Variants in MACROD2 observed in about 807,000 individuals in gnomAD.
MACROD2 encodes the protein ADP-ribose glycohydrolase MACROD2.
MACROD2 carries 36 observed loss-of-function variants against 70.4 expected under a neutral mutation model. The ratio of observed to expected loss-of-function variants is 0.51; its 90% CI spans 0.39 to 0.68. The LOEUF is 0.68. Ranked by LOEUF, MACROD2 falls within the 30% of genes least tolerant of loss-of-function variation. The pLI, the probability that MACROD2 is intolerant of heterozygous loss-of-function variation, is 0.00. For missense variants in MACROD2, 496 were observed against 538.4 expected (o/e 0.92, Z 0.78); for synonymous variants, 172 against 178.8 (o/e 0.96, Z 0.30).
At position 15,513,709 on chromosome 20, in the gene MACROD2, C is replaced by G. The variant is rs1316819996; in HGVS notation, c.645+13862C>G. 9.8e-5 allele frequency among the ~76,000 whole-genome samples: 15 copies of G among 152,296 alleles called. No homozygotes were observed. In the East Asian group the frequency reaches 2.5e-3, roughly 25 times the overall value. On this transcript the variant is annotated intron_variant, in intron 8 of 17. Coordinates refer to ENST00000684519, the MANE Select transcript of MACROD2 (RefSeq NM_001351661.2). ...GGATTTAAAATAATGTGGCATCTTG[C>G]TTCATTACCAATAAAAGTAAGCTTT...
chr20:15,285,573 G>T (rs953282755), intron 6 of MACROD2, among the ~76,000 whole-genome samples: 6 of 152,108 alleles, frequency 3.9e-5, no homozygotes, highest in African/African-American at 1.4e-4. Flanking sequence ...AATTTTGCTG[G>T]TCTGTTTGAT....
intron 3 of MACROD2, among the ~76,000 whole-genome samples, chr20:14,232,069 A>C (rs962813790): frequency 2.0e-5 from 3 of 152,034 alleles, no homozygotes; most frequent in Non-Finnish European, 4.4e-5. Flanking sequence ...AGATTGCAAA[A>C]ATTTTCTCCC....
chr20:14,850,252 TACA>T (rs1332912628), intron 5 of MACROD2: 1 of 188,516 alleles, frequency 5.3e-6, no homozygotes. Flanking sequence ...TTAGAAGCTC[TACA>T]ACAATTCTAA....
chr20:14,626,043 C>A (rs1984133114), intron 4 of MACROD2, among the ~76,000 whole-genome samples: 1 of 152,242 alleles, frequency 6.6e-6, no homozygotes, highest in South Asian at 2.1e-4. Context: ...TTAGGCTGGT[C>A]TCAAACTTGT....
At chr20:15,318,407 T>G (rs1426917269) in intron 6 of MACROD2, among the ~76,000 whole-genome samples, 1 of 152,072 alleles carries the variant, frequency 6.6e-6, no homozygotes, top group African/African-American at 2.4e-5. Context: ...TTTAAGCAAT[T>G]AACAGCAATC....
intron 5 of MACROD2, among the ~76,000 whole-genome samples, chr20:14,817,293 G>A (rs2072784919): frequency 6.6e-6 from 1 of 152,098 alleles, no homozygotes; most frequent in Non-Finnish European, 1.5e-5. Context: ...TCATGGCAGG[G>A]AGCCAGTTTT....
At chr20:15,393,203 C>G (rs1471791485) in intron 6 of MACROD2, among the ~76,000 whole-genome samples, 1 of 152,152 alleles carries the variant, frequency 6.6e-6, no homozygotes, top group African/African-American at 2.4e-5. Context: ...AACACAGCAT[C>G]TTGGGTGCTA....
At chr20:15,662,842 C>G (rs747514707) in intron 8 of MACROD2, among the ~76,000 whole-genome samples, 1 of 150,280 alleles carries the variant, frequency 6.7e-6, no homozygotes, top group Non-Finnish European at 1.5e-5. Flanking sequence ...ATGAGTGGGG[C>G]CTTATGGGGA....
intron 2 of MACROD2, among the ~76,000 whole-genome samples, chr20:14,077,166 A>C (rs2053926023): frequency 6.6e-6 from 1 of 152,058 alleles, no homozygotes; most frequent in Admixed American, 6.5e-5. Flanking sequence ...GACTTACATT[A>C]CATTACATTA....
chr20:14,101,559 G>C (rs138783529), intron 3 of MACROD2, among the ~76,000 whole-genome samples: 3 of 152,096 alleles, frequency 2.0e-5, no homozygotes, highest in Non-Finnish European at 4.4e-5. Flanking sequence ...ATTAGAGAGA[G>C]TTTGCCTGTT....
intron 5 of MACROD2, among the ~76,000 whole-genome samples, chr20:14,746,261 T>C (rs1187553635): frequency 6.6e-6 from 1 of 152,208 alleles, no homozygotes; most frequent in African/African-American, 2.4e-5. Flanking sequence ...CCTGCAGTTA[T>C]CTTCTCCTGT....
rs59052053 is a variant in MACROD2 at position 14,071,252 on chromosome 20, G to GTTTTTTTTTTTTTTTTTT, written c.164-14360_164-14343dup. ...GACAGTATTGGCCATTTCATCTTGT[G>GTTTTTTTTTTTTTTTTTT]TTTTTTTTTTTTTTTTTTTTTTTTT... On this transcript the variant is annotated intron_variant, in intron 2 of 17. Coordinates refer to ENST00000684519, the MANE Select transcript of MACROD2 (RefSeq NM_001351661.2). Among the ~76,000 whole-genome samples, 28 of 63,956 alleles carry GTTTTTTTTTTTTTTTTTT rather than the reference G, an allele frequency of 4.4e-4. 5 individuals carry two copies. Among genetic ancestry groups the GTTTTTTTTTTTTTTTTTT allele is most frequent in the African/African-American group, 1.7e-3 (27 of 15,802 alleles). 42.0% of individuals were successfully genotyped at this position (63,956 alleles called of 152,430 possible). A position where few individuals can be genotyped will look rare whatever the true frequency, so the allele number is the denominator to read the frequency against.
At chr20:15,219,098 T>C (rs377209026) in intron 5 of MACROD2, among the ~76,000 whole-genome samples, 2 of 152,092 alleles carry the variant, frequency 1.3e-5, no homozygotes, top group South Asian at 2.1e-4. Flanking sequence ...GACATACCAG[T>C]TCAAAATAAG....
intron 3 of MACROD2, among the ~76,000 whole-genome samples, chr20:14,214,273 T>G (rs1356936045): frequency 1.3e-5 from 2 of 152,164 alleles, no homozygotes; most frequent in Non-Finnish European, 2.9e-5. Flanking sequence ...GATTCCTGCC[T>G]TCAGGCTAAA....
intron 6 of MACROD2, among the ~76,000 whole-genome samples, chr20:15,273,211 TA>T (rs1430777710): frequency 6.6e-6 from 1 of 151,996 alleles, no homozygotes; most frequent in Non-Finnish European, 1.5e-5. Context: ...CCAACGAATA[TA>T]AAACAGGCAG....
At chr20:14,697,573 TA>T (rs1242985732) in intron 5 of MACROD2, among the ~76,000 whole-genome samples, 1 of 152,318 alleles carries the variant, frequency 6.6e-6, no homozygotes, top group East Asian at 1.9e-4. Context: ...ACACTACAAG[TA>T]ATATCTTATC....
intron 3 of MACROD2, among the ~76,000 whole-genome samples, chr20:14,448,430 A>C (rs141430375): frequency 0.032 from 4,883 of 151,942 alleles, 288 homozygotes; most frequent in African/African-American, 0.11. Context: ...TAATCCCAGC[A>C]CTTTGGGAGG....
intron 2 of MACROD2, among the ~76,000 whole-genome samples, chr20:14,025,608 A>G (rs535287927): frequency 6.6e-6 from 1 of 152,312 alleles, no homozygotes; most frequent in South Asian, 2.1e-4. Flanking sequence ...TTTACCCAGT[A>G]GTCATTCAGG....
At chr20:14,680,205 C>A (rs1354707888) in intron 4 of MACROD2, among the ~76,000 whole-genome samples, 1 of 152,158 alleles carries the variant, frequency 6.6e-6, no homozygotes, top group African/African-American at 2.4e-5. Flanking sequence ...AAATAAATCC[C>A]TCTTGAATCC....
Sources: allele counts gnomAD v4.1 joint callset (sites outside exome capture counted in the v4.1 genomes callset), GRCh38; gene constraint gnomAD v4.1.1; transcripts MANE v1.5; gene names NCBI Gene and HGNC (gene_info 2026-07-23, HGNC 2026-07-21).